The following B3GAT3 variants were observed in gnomAD, a reference collection of about 807,000 sequenced individuals.
B3GAT3 encodes the protein beta-1,3-glucuronyltransferase 3.
Under a neutral mutation model 33.1 loss-of-function variants are expected in B3GAT3, and 19 were observed. That is an observed-to-expected ratio of 0.57 (90% CI 0.40 to 0.84). The LOEUF is 0.84. Among genes scored for constraint, B3GAT3 ranks in the 40% least tolerant of loss-of-function variants. The pLI is 0.00. For synonymous variants in B3GAT3, 167 were observed against 193.5 expected (o/e 0.86, Z 1.14); for missense variants, 344 against 441.5 (o/e 0.78, Z 1.98).
intron 4 of B3GAT3, 54 bp from the exon 5 acceptor site, chr11:62,615,853 G>T: frequency 6.3e-7 from 1 of 1,598,058 alleles, no homozygotes; most frequent in Non-Finnish European, 8.5e-7. Context: ...CAGGCCTCTG[G>T]GTCCCCGAGC....
chr11:62,616,807 T>C lies in B3GAT3; in HGVS notation c.619-11A>G, dbSNP rs1255882397. The C allele has an allele frequency of 1.2e-6, 2 of 1,613,082 alleles. No individual in the cohort carries two copies. Among genetic ancestry groups the C allele is most frequent in the Non-Finnish European group, 1.7e-6 (2 of 1,179,856 alleles). On this transcript the variant is annotated splice_polypyrimidine_tract_variant and intron_variant, in intron 3 of 4. Coordinates refer to ENST00000265471, the MANE Select transcript of B3GAT3 (RefSeq NM_012200.4). ...ACGGGTCCAGCGCATCTAACGGAGG[T>C]CGGGAGAGAAGAAACAGAGGGGTGG...
rs1385044783 is a variant in B3GAT3 at position 62,618,383 on chromosome 11, C to T, written c.258-1036G>A. Reference sequence around the variant, plus strand: ...TGTTGTTTTAAAGATTAAATAAGAGCTGGGGATGGTGGCTCACACCTGTAA... The same window carrying T: ...TGTTGTTTTAAAGATTAAATAAGAGTTGGGGATGGTGGCTCACACCTGTAA... On this transcript the variant is annotated intron_variant, in intron 2 of 4. Coordinates refer to ENST00000265471, the MANE Select transcript of B3GAT3 (RefSeq NM_012200.4). Among the ~76,000 whole-genome samples the T allele has an allele frequency of 3.9e-5, 6 of 152,162 alleles. No homozygotes were observed. The East Asian group carries it at 1.2e-3, about 29-fold the overall frequency.
chr11:62,618,536 C>T (rs377312299), intron 2 of B3GAT3, among the ~76,000 whole-genome samples: 1 of 151,340 alleles, frequency 6.6e-6, no homozygotes, highest in African/African-American at 2.4e-5. Flanking sequence ...GTGGCGGGCA[C>T]CTGTAGTCCC....
At chr11:62,618,559 G>A (rs1028759913) in intron 2 of B3GAT3, among the ~76,000 whole-genome samples, 5 of 151,530 alleles carry the variant, frequency 3.3e-5, no homozygotes, top group African/African-American at 4.9e-5. Flanking sequence ...CTACTTGGGA[G>A]GCTGAGGCAG....
At chr11:62,615,993 C>G in intron 4 of B3GAT3, 194 bp from the exon 5 acceptor site, 1 of 1,446,360 alleles carries the variant, frequency 6.9e-7, no homozygotes, top group Non-Finnish European at 9.1e-7. Context: ...CCTGTAACCC[C>G]AGCACTTTGG....
At chr11:62,620,441 C>G in intron 2 of B3GAT3, 56 bp downstream of exon 2, 5 of 1,561,390 alleles carry the variant, frequency 3.2e-6, no homozygotes, top group Non-Finnish European at 4.4e-6. Flanking sequence ...AACTCCTCAT[C>G]ATCAACTCCA....
intron 2 of B3GAT3, 109 bp from the exon 3 acceptor site, chr11:62,617,456 C>A: frequency 6.8e-7 from 1 of 1,463,492 alleles, no homozygotes; most frequent in Non-Finnish European, 9.4e-7. Flanking sequence ...TGTGGCCCTT[C>A]CCAACCAATG....
chr11:62,616,435 G>T (rs1943028213), intron 4 of B3GAT3, 71 bp downstream of exon 4: 5 of 1,600,406 alleles, frequency 3.1e-6, no homozygotes, highest in Non-Finnish European at 4.3e-6. Flanking sequence ...CATTCCCAGG[G>T]TCTCACTGTA....
chr11:62,616,271 C>A (rs1943024961), intron 4 of B3GAT3: 4 of 634,082 alleles, frequency 6.3e-6, no homozygotes, highest in African/African-American at 3.7e-5. Flanking sequence ...ACAAACAGGG[C>A]CTTATTCCTT....
chr11:62,616,837 G>C (rs1441073953), intron 3 of B3GAT3, 41 bp from the exon 4 acceptor site: 1 of 1,613,074 alleles, frequency 6.2e-7, no homozygotes, highest in African/African-American at 1.3e-5. Context: ...GGGTGGTCCG[G>C]GGAAGGGAGC....
chr11:62,616,329 A>G, intron 4 of B3GAT3, 177 bp downstream of exon 4: 1 of 891,540 alleles, frequency 1.1e-6, no homozygotes, highest in Non-Finnish European at 1.8e-6. Context: ...GCAGAGTGGC[A>G]GGAGACCACT....
rs1943006304 is a variant in B3GAT3, at chr11:62,615,583, AG to A, written c.*117del. On this transcript the variant is annotated 3_prime_UTR_variant, in exon 5 of 5. Transcript: ENST00000265471. ...CCATGCCCTGGGCCTGGAGGGGCAG[AG>A]GGGCCACTTCTGGCTCCAAGGGTCA... 1 of 1,517,994 alleles carries A rather than the reference AG, an allele frequency of 6.6e-7. No homozygotes were observed. The highest frequency in any genetic ancestry group is 8.8e-7 in the Non-Finnish European group (1 of 1,131,398). The allele number at this position is 1,517,994 out of a possible 1,614,324, so 94.0% of individuals were successfully genotyped here. A position where few individuals can be genotyped will look rare whatever the true frequency, so the allele number is the denominator to read the frequency against.
Position 62,616,793 on chromosome 11 carries a change from G to T in B3GAT3, c.622C>A (p.Arg208Ser). 1 of 1,613,896 alleles carries T rather than the reference G, an allele frequency of 6.2e-7. No individual in the cohort carries two copies. The highest frequency in any genetic ancestry group is 8.5e-7 in the Non-Finnish European group (1 of 1,179,970). ...TYSRELFEEM[R>S]WTRGVSVWPV... ...CACACTGAGACACCACGGGTCCAGC[G>T]CATCTAACGGAGGTCGGGAGAGAAG... is the stretch of plus-strand genomic sequence containing the variant. The change falls in exon 4 of 5, where the codon CGC (arginine) becomes AGC (serine). Residue 208 changes from arginine (R) to serine (S), a missense_variant. Arg to Ser is a moderately radical substitution (Grantham distance 110). Coordinates refer to ENST00000265471, the MANE Select transcript of B3GAT3 (RefSeq NM_012200.4).
Position 62,615,676 on chromosome 11 carries a change from G to A in B3GAT3, c.*25C>T. On this transcript the variant is annotated 3_prime_UTR_variant, in exon 5 of 5. Coordinates refer to ENST00000265471, the MANE Select transcript of B3GAT3 (RefSeq NM_012200.4). ...CCCACAAGGTCTGTGCCTGAAAAGA[G>A]GTGGTAGTTGGGGTGGGGCCGCCAT... 1 of 1,609,954 alleles carries A rather than the reference G, an allele frequency of 6.2e-7. No homozygotes were observed. Among genetic ancestry groups the A allele is most frequent in the Non-Finnish European group, 8.5e-7 (1 of 1,178,840 alleles).
At chr11:62,621,080 C>T (rs1943135064) in intron 1 of B3GAT3, 1 of 466,480 alleles carries the variant, frequency 2.1e-6, no homozygotes, top group Admixed American at 2.3e-5. Flanking sequence ...TGGCACTGTC[C>T]CTAAATCTTT....
intron 4 of B3GAT3, 107 bp downstream of exon 4, chr11:62,616,398 TG>T: frequency 6.7e-7 from 1 of 1,486,452 alleles, no homozygotes; most frequent in Non-Finnish European, 9.3e-7. Context: ...ATCAGAGATC[TG>T]GAGAGTCCCT....
At chr11:62,619,181 A>G (rs1943093730) in intron 2 of B3GAT3, among the ~76,000 whole-genome samples, 1 of 151,832 alleles carries the variant, frequency 6.6e-6, no homozygotes, top group Non-Finnish European at 1.5e-5. Context: ...GGAAGAAAAA[A>G]AAAAAAGGAA....
intron 2 of B3GAT3, among the ~76,000 whole-genome samples, chr11:62,620,246 C>T (rs568275133): frequency 2.6e-5 from 4 of 152,324 alleles, no homozygotes; most frequent in African/African-American, 9.6e-5. Context: ...TGGTCTCGAA[C>T]TCCTGACCTC....
intron 2 of B3GAT3, among the ~76,000 whole-genome samples, chr11:62,619,664 T>C (rs917042718): frequency 2.7e-5 from 4 of 148,982 alleles, no homozygotes; most frequent in Non-Finnish European, 5.9e-5. Flanking sequence ...CCAGAGTAGC[T>C]GAGATTACAG....
Sources: allele counts gnomAD v4.1 joint callset (sites outside exome capture counted in the v4.1 genomes callset), GRCh38; gene constraint gnomAD v4.1.1; transcripts MANE v1.5; gene names NCBI Gene and HGNC (gene_info 2026-07-23, HGNC 2026-07-21).